Variants in ROS1 observed in about 807,000 individuals in gnomAD.
ROS1 encodes ROS proto-oncogene 1, receptor tyrosine kinase, also known as proto-oncogene tyrosine-protein kinase ROS.
A neutral mutation model predicts 273.5 loss-of-function variants in ROS1; 263 were observed. The ratio of observed to expected loss-of-function variants is 0.96; its 90% CI spans 0.87 to 1.06. The LOEUF (loss-of-function observed/expected upper bound fraction) is 1.06. Among genes scored for constraint, ROS1 ranks in the 50% least tolerant of loss-of-function variants. The pLI, the probability that ROS1 is intolerant of heterozygous loss-of-function variation, is 0.00. For missense variants in ROS1, 2,833 were observed against 2,751.1 expected (o/e 1.03, Z -0.67); for synonymous variants, 1,008 against 954.1 (o/e 1.06, Z -1.04).
intron 42 of ROS1, among the ~76,000 whole-genome samples, chr6:117,307,762 G>C (rs986731003): frequency 2.0e-5 from 3 of 152,110 alleles, no homozygotes; most frequent in African/African-American, 7.2e-5. Context: ...ATCTAACCAA[G>C]GTGCCCAGCT....
At chr6:117,314,698 C>A (rs577782655) in intron 39 of ROS1, among the ~76,000 whole-genome samples, 6 of 152,100 alleles carry the variant, frequency 3.9e-5, no homozygotes, top group Non-Finnish European at 8.8e-5. Context: ...GACCTCCAGC[C>A]CCCTCTAAAC....
intron 43 of ROS1, chr6:117,299,752 A>G (rs559998735): frequency 1.3e-4 from 20 of 152,360 alleles, no homozygotes; most frequent in African/African-American, 4.8e-4. Flanking sequence ...AGTTCTAGAT[A>G]AGCTGAAGGA....
At chr6:117,332,603 C>T (rs1777163324) in intron 32 of ROS1, among the ~76,000 whole-genome samples, 1 of 152,148 alleles carries the variant, frequency 6.6e-6, no homozygotes. Flanking sequence ...AAGTAAAACA[C>T]TCCTCAGCAA....
intron 26 of ROS1, among the ~76,000 whole-genome samples, chr6:117,356,337 TAAATA>T (rs1779301131): frequency 6.6e-6 from 1 of 152,216 alleles, no homozygotes; most frequent in Non-Finnish European, 1.5e-5. Flanking sequence ...TTATGAAGAT[TAAATA>T]AAATAATGCA....
chr6:117,337,476 A>G, intron 31 of ROS1, 136 bp from the exon 32 acceptor site: 1 of 657,834 alleles, frequency 1.5e-6, no homozygotes, highest in Non-Finnish European at 2.5e-6. Context: ...TTCTTTATGA[A>G]TGATCCCAAA....
intron 27 of ROS1, among the ~76,000 whole-genome samples, chr6:117,348,290 TTTC>T (rs1778538737): frequency 6.6e-6 from 1 of 152,020 alleles, no homozygotes; most frequent in African/African-American, 2.4e-5. Flanking sequence ...AGATTGTCTA[TTTC>T]TTCTTCTGTG....
At position 117,319,883 on chromosome 6, in the gene ROS1, G is replaced by T. The variant is rs146653150; in HGVS notation, c.5907C>A (p.Ile1969=). 2.7e-4 allele frequency: 437 copies of T among 1,612,904 alleles called. No individual in the cohort carries two copies. The highest frequency in any genetic ancestry group is 4.9e-4 in the Middle Eastern group (3 of 6,070). Residue 1969 remains isoleucine, a synonymous_variant, in exon 37 of 44, where the codon ATC becomes ATA. Transcript: ENST00000368507. ...TTCACATTACCTTCACTGCTACTTT[G>T]ATTTCTCCACTTCCAACTCCTAAGA... is the stretch of plus-strand genomic sequence containing the variant. The part of the protein sequence containing the change: ...VDILGVGSGE[I]KVAVKTLKKG...
At chr6:117,313,257 A>C (rs1175198479) in intron 39 of ROS1, among the ~76,000 whole-genome samples, 1 of 152,078 alleles carries the variant, frequency 6.6e-6, no homozygotes, top group Non-Finnish European at 1.5e-5. Flanking sequence ...TTTCTATCTT[A>C]ATACAATCCT....
In ROS1 at chr6:117,329,557, C is replaced by G. The variant is rs771602298; in HGVS notation, c.5231-111G>C. On this transcript the variant is annotated intron_variant, in intron 32 of 43. Coordinates refer to ENST00000368507, the MANE Select transcript of ROS1 (RefSeq NM_001378902.1). ...GGAAAGACAACATTAAAGAAATATT[C>G]AGAGGCGGGGCCAAGATGGCCGACT... The G allele has an allele frequency of 4.8e-6, 3 of 624,520 alleles. No individual in the cohort carries two copies. In the South Asian group the frequency reaches 6.8e-5, roughly 14 times the overall value. 38.7% of individuals were successfully genotyped at this position (624,520 alleles called of 1,614,324 possible). A position where few individuals can be genotyped will look rare whatever the true frequency, so the allele number is the denominator to read the frequency against.
At chr6:117,324,459 G>A (rs2128575361) in intron 34 of ROS1, 44 bp from the exon 35 acceptor site, 2 of 958,442 alleles carry the variant, frequency 2.1e-6, no homozygotes, top group Non-Finnish European at 3.3e-6. Context: ...ATAGATAAAA[G>A]CTAAGTTGCC....
intron 43 of ROS1, among the ~76,000 whole-genome samples, chr6:117,294,612 G>T (rs1187575791): frequency 1.3e-5 from 2 of 152,050 alleles, no homozygotes; most frequent in Non-Finnish European, 2.9e-5. Flanking sequence ...ATTCAGTAAA[G>T]TTTCAGGATA....
At chr6:117,318,741 C>T (rs1776084423) in intron 37 of ROS1, among the ~76,000 whole-genome samples, 2 of 152,158 alleles carry the variant, frequency 1.3e-5, no homozygotes, top group African/African-American at 2.4e-5. Context: ...ACTGCTGAGG[C>T]GGGAAGGGAG....
At chr6:117,312,025 C>A (rs1775584724) in intron 39 of ROS1, among the ~76,000 whole-genome samples, 1 of 152,052 alleles carries the variant, frequency 6.6e-6, no homozygotes, top group African/African-American at 2.4e-5. Flanking sequence ...ATTATGAATT[C>A]CTGAGCACAG....
chr6:117,393,997 C>T (rs1345300305), intron 11 of ROS1, among the ~76,000 whole-genome samples, 165 bp downstream of exon 11: 2 of 152,156 alleles, frequency 1.3e-5, no homozygotes, highest in East Asian at 1.9e-4. Flanking sequence ...AGGCTACACC[C>T]TCCTATAGGC....
In ROS1 at chr6:117,297,522, C is replaced by T. The variant is rs113462811; in HGVS notation, c.6715+3452G>A. Among the ~76,000 whole-genome samples, 868 of 152,062 alleles carry T rather than the reference C, an allele frequency of 5.7e-3. 10 individuals carry two copies. The highest frequency in any genetic ancestry group is 0.02 in the African/African-American group (835 of 41,504). ...AAGGAATTCAAACACTCAACAACAA[C>T]AAACAAGCAAATAATCCCATTAAAA... is the stretch of plus-strand genomic sequence containing the variant. On this transcript the variant is annotated intron_variant, in intron 43 of 43. Transcript: ENST00000368507.
At position 117,288,623 on chromosome 6, in the gene ROS1, C is replaced by A. The variant is rs141670885; in HGVS notation, c.6895G>T (p.Glu2299Ter). 9.9e-6 allele frequency: 16 copies of A among 1,614,058 alleles called. No individual in the cohort carries two copies. The African/African-American group carries it at 2.0e-4, about 20-fold the overall frequency. ...QESESCGLRK[E>*]EKEPHADKDF... The stretch of plus-strand genomic sequence containing the variant: ...TTGTCTGCATGTGGTTCCTTCTCTT[C>A]TTTCCTCAGACCACAAGATTCAGAT... Residue 2299 changes from glutamate (E) to a stop codon, truncating the protein, a stop_gained, in exon 44 of 44, where the codon GAA becomes TAA. Coordinates refer to ENST00000368507, the MANE Select transcript of ROS1 (RefSeq NM_001378902.1). LOFTEE classifies it high-confidence loss of function.
chr6:117,376,964 A>G (rs1781379110), intron 18 of ROS1, among the ~76,000 whole-genome samples: 1 of 152,224 alleles, frequency 6.6e-6, no homozygotes, highest in Admixed American at 6.5e-5. Context: ...AGCAAAGCAA[A>G]GTAGAAGGAC....
rs1776082502 is a variant in ROS1, at chr6:117,425,622, A to T, written c.35T>A (p.Val12Asp). ...KNIYCLIPKL[V>D]NFATLGCLWI... ...TAGGCAGCCAAGAGTTGCAAAATTG[A>T]CAAGCTTCGGAATAAGACAGTAAAT... Residue 12 changes from valine to aspartate, a missense_variant, in exon 1 of 44, where the codon GTC (valine) becomes GAC (aspartate). Physicochemically the swap from Val to Asp is radical, Grantham distance 152. Transcript: ENST00000368507. The T allele has an allele frequency of 1.9e-6, 3 of 1,612,330 alleles. No homozygotes were observed. In the South Asian group the frequency reaches 3.3e-5, roughly 18 times the overall value.
intron 2 of ROS1, among the ~76,000 whole-genome samples, chr6:117,418,212 T>C (rs1775477980): frequency 6.6e-6 from 1 of 151,942 alleles, no homozygotes. Flanking sequence ...AAAAATTAAG[T>C]AATTTGTCCA....
Sources: allele counts gnomAD v4.1 joint callset (sites outside exome capture counted in the v4.1 genomes callset), GRCh38; gene constraint gnomAD v4.1.1; transcripts MANE v1.5; gene names NCBI Gene and HGNC (gene_info 2026-07-23, HGNC 2026-07-21).